The following PTPRS variants were observed in gnomAD, a reference collection of about 807,000 sequenced individuals.
The protein encoded by PTPRS is protein tyrosine phosphatase receptor type S.
In PTPRS, 63 loss-of-function variants were observed where a neutral mutation model predicts 215.3. The ratio of observed to expected loss-of-function variants is 0.29; its 90% CI spans 0.24 to 0.36. The LOEUF (loss-of-function observed/expected upper bound fraction) is 0.36, where lower values mean the gene tolerates loss of function less well. Ranked by LOEUF, PTPRS falls within the 10% of genes least tolerant of loss-of-function variation. PTPRS has a pLI of 1.00. For synonymous variants in PTPRS, 1,404 were observed against 1,191.4 expected, an observed-to-expected ratio of 1.18 and a Z score of -3.68; for missense variants, 2,258 against 2,825.8, an observed-to-expected ratio of 0.80 and a Z score of 4.56.
At chr19:5,207,632 G>A (rs2040484836) in intron 37 of PTPRS, among the ~76,000 whole-genome samples, 1 of 152,244 alleles carries the variant, frequency 6.6e-6, no homozygotes, top group African/African-American at 2.4e-5. Context: ...GGGGGTCAGT[G>A]GTTCTTGGCA....
chr19:5,297,577 G>A lies in PTPRS; in HGVS notation c.-94-11343C>T, dbSNP rs181364849. On this transcript the variant is annotated intron_variant, in intron 1 of 37. Transcript: ENST00000262963. ...ATAAGGCCGGGCAGTGCTAAGAGAT[G>A]CCAAAAATAATTAAATAAACCACAC... 3.9e-3 allele frequency among the ~76,000 whole-genome samples: 593 copies of A among 152,194 alleles called. 2 individuals are homozygous for A. The highest frequency in any genetic ancestry group is 6.4e-3 in the Non-Finnish European group (437 of 68,010).
intron 17 of PTPRS, among the ~76,000 whole-genome samples, chr19:5,223,707 T>G (rs1017350797): frequency 6.6e-6 from 1 of 151,510 alleles, no homozygotes; most frequent in African/African-American, 2.4e-5. Flanking sequence ...GGATTACAGG[T>G]ACACACCACC....
At chr19:5,263,996 C>T (rs1290822391) in intron 5 of PTPRS, among the ~76,000 whole-genome samples, 1 of 152,200 alleles carries the variant, frequency 6.6e-6, no homozygotes, top group Non-Finnish European at 1.5e-5. Flanking sequence ...CACAGCCCCC[C>T]AGACAGATGG....
chr19:5,265,741 C>G (rs1032562369), intron 4 of PTPRS, among the ~76,000 whole-genome samples: 10 of 151,156 alleles, frequency 6.6e-5, no homozygotes, highest in Middle Eastern at 3.4e-3. Flanking sequence ...CTGGGAGACA[C>G]TGGGCGATGT....
chr19:5,268,789 A>G (rs1003892066), intron 4 of PTPRS, among the ~76,000 whole-genome samples: 4 of 152,246 alleles, frequency 2.6e-5, no homozygotes, highest in African/African-American at 7.2e-5. Context: ...CAGGTCATAC[A>G]GCCAGCATGT....
At position 5,257,580 on chromosome 19, in the gene PTPRS, A is replaced by G. The variant is rs1333117419; in HGVS notation, c.706+437T>C. On this transcript the variant is annotated intron_variant, in intron 8 of 37. Coordinates refer to ENST00000262963, the MANE Select transcript of PTPRS (RefSeq NM_002850.4). The surrounding 1 kb of genome is among the most constrained non-coding windows in gnomAD (Gnocchi z 4.4). Reference sequence around the variant, plus strand: ...TGAAGCGGGGAGCTACGAGGCCACAAAGTTGGGAGAAGCAAAGCCAGCACA... The same window carrying G: ...TGAAGCGGGGAGCTACGAGGCCACAGAGTTGGGAGAAGCAAAGCCAGCACA... 7.2e-6 allele frequency: 3 copies of G among 419,138 alleles called. No individual in the cohort carries two copies. The highest frequency in any genetic ancestry group is 2.6e-5 in the Admixed American group (1 of 38,270). 26.0% of individuals were successfully genotyped at this position (419,138 alleles called of 1,614,324 possible). A position where few individuals can be genotyped will look rare whatever the true frequency, so the allele number is the denominator to read the frequency against.
intron 9 of PTPRS, among the ~76,000 whole-genome samples, chr19:5,255,649 C>T (rs1015713579): frequency 5.3e-5 from 8 of 151,276 alleles, no homozygotes; most frequent in Non-Finnish European, 7.4e-5. Context: ...GAACAGAAGA[C>T]GAGAAACACT....
Position 5,268,202 on chromosome 19 carries a change from TTAAA to T in PTPRS, c.380-3010_380-3007del, listed in dbSNP as rs1331805297. On this transcript the variant is annotated intron_variant, in intron 4 of 37. Coordinates refer to ENST00000262963, the MANE Select transcript of PTPRS (RefSeq NM_002850.4). ...ATAAATAAATAAATTAATTAATTAA[TTAAA>T]TAAAGTTTTATTGGCACACAGCCAC... Among the ~76,000 whole-genome samples the T allele has an allele frequency of 3.4e-4, 48 of 140,000 alleles. No homozygotes were observed. In the South Asian group the frequency reaches 3.8e-3, roughly 11 times the overall value. The allele number at this position is 140,000 out of a possible 152,430, so 91.8% of individuals were successfully genotyped here. A position where few individuals can be genotyped will look rare whatever the true frequency, so the allele number is the denominator to read the frequency against.
Position 5,206,240 on chromosome 19 carries a change from T to C in PTPRS, c.*534A>G, listed in dbSNP as rs1190887216. On this transcript the variant is annotated 3_prime_UTR_variant, in exon 38 of 38. Coordinates refer to ENST00000262963, the MANE Select transcript of PTPRS (RefSeq NM_002850.4). ...AGTCATTGACTGGCGAGTCTTTTGT[T>C]TGTTTCTCTTAAAAAAAAAAATGGA... 2 of 224,788 alleles carry C rather than the reference T, an allele frequency of 8.9e-6. No homozygotes were observed. Among genetic ancestry groups the C allele is most frequent in the South Asian group, 1.8e-4 (1 of 5,408 alleles). The allele number at this position is 224,788 out of a possible 1,614,324, so 13.9% of individuals were successfully genotyped here.
intron 1 of PTPRS, among the ~76,000 whole-genome samples, chr19:5,324,769 CA>C (rs2050126596): frequency 6.6e-6 from 1 of 152,200 alleles, no homozygotes; most frequent in Non-Finnish European, 1.5e-5. Flanking sequence ...GCAGATTCAA[CA>C]GGACCACGAG....
intron 4 of PTPRS, among the ~76,000 whole-genome samples, chr19:5,268,975 C>T (rs1041403215): frequency 2.6e-5 from 4 of 152,182 alleles, no homozygotes; most frequent in Admixed American, 6.5e-5. Context: ...GGGACCTGGA[C>T]GACCTTGAAA....
At chr19:5,239,276 T>C (rs1415295709) in intron 12 of PTPRS, among the ~76,000 whole-genome samples, 1 of 133,530 alleles carries the variant, frequency 7.5e-6, no homozygotes, top group Non-Finnish European at 1.6e-5. Context: ...GAGACAGAGA[T>C]ACAGACAGAA....
chr19:5,235,324 C>T (rs940678538), intron 13 of PTPRS, among the ~76,000 whole-genome samples: 3 of 151,780 alleles, frequency 2.0e-5, no homozygotes, highest in Non-Finnish European at 4.4e-5. Context: ...CACCTGGCAC[C>T]GTGTGCCAGG....
intron 20 of PTPRS, among the ~76,000 whole-genome samples, chr19:5,220,624 C>T (rs2041896721): frequency 6.6e-6 from 1 of 152,188 alleles, no homozygotes. Context: ...GCTTCAATGC[C>T]CACATAACCT....
rs768182732 is a variant in PTPRS at position 5,215,334 on chromosome 19, C to T, written c.4273G>A (p.Val1425Ile). 3.7e-6 allele frequency: 6 copies of T among 1,614,028 alleles called. No individual in the cohort carries two copies. The highest frequency in any genetic ancestry group is 2.2e-5 in the East Asian group (1 of 44,890). ...ACACGGGAGTGGTCATAGGCGATGA[C>T]GTTGGCATAGCGGTTCTTCGGCTTG... ...VNKPKNRYANVIAYDHSRVIL... is the reference protein window; with the variant it reads ...VNKPKNRYANIIAYDHSRVIL... The change falls in exon 28 of 38, where the codon GTC becomes ATC. Residue 1425 changes from valine to isoleucine, a missense_variant. Transcript: ENST00000262963.
At chr19:5,340,425 G>A (rs1430645278) in intron 1 of PTPRS, among the ~76,000 whole-genome samples, 1 of 148,140 alleles carries the variant, frequency 6.8e-6, no homozygotes, top group Non-Finnish European at 1.5e-5. Context: ...CCCCTGCCGA[G>A]CGCCCCCAGC....
At chr19:5,222,294 AGCGGG>A (rs1193917281) in intron 18 of PTPRS, 74 bp from the exon 19 acceptor site, 14 of 1,315,602 alleles carry the variant, frequency 1.1e-5, no homozygotes, top group Admixed American at 3.4e-5. Flanking sequence ...GGTGGCGTGA[AGCGGG>A]GTGGGGTGGG....
rs776660566 is a variant in PTPRS at position 5,206,760 on chromosome 19, G to A, written c.*14C>T. 1.2e-6 allele frequency: 2 copies of A among 1,612,954 alleles called. No individual in the cohort carries two copies. The highest frequency in any genetic ancestry group is 1.1e-5 in the South Asian group (1 of 91,068). On this transcript the variant is annotated 3_prime_UTR_variant, in exon 38 of 38. Coordinates refer to ENST00000262963, the MANE Select transcript of PTPRS (RefSeq NM_002850.4). The stretch of plus-strand genomic sequence containing the variant: ...CCGGGGCCAGTGGTGTCGGGCCTGG[G>A]GGGAACCATGGCTTTAGGTTGCATA...
Position 5,334,633 on chromosome 19 carries a change from G to A in PTPRS, c.-95+6031C>T, listed in dbSNP as rs1178386072. Among the ~76,000 whole-genome samples, 3 of 152,298 alleles carry A rather than the reference G, an allele frequency of 2.0e-5. No homozygotes were observed. The East Asian group carries it at 5.8e-4, about 29-fold the overall frequency. On this transcript the variant is annotated intron_variant, in intron 1 of 37. Transcript: ENST00000262963. ...AGCCCTGGGGTGTGTGTGTGCGGGG[G>A]GTGTCTCTGTAGCGATTCAGGTGGC... is the stretch of plus-strand genomic sequence containing the variant.
Sources: allele counts gnomAD v4.1 joint callset (sites outside exome capture counted in the v4.1 genomes callset), GRCh38; gene constraint gnomAD v4.1.1; non-coding constraint Gnocchi (gnomAD v3.1); transcripts MANE v1.5; gene names NCBI Gene and HGNC (gene_info 2026-07-23, HGNC 2026-07-21).